The following CHM variants were observed in gnomAD, a reference collection of about 807,000 sequenced individuals.
CHM encodes CHM Rab escort protein.
A neutral mutation model predicts 49.0 loss-of-function variants in CHM; 10 were observed. The observed-to-expected ratio is 0.20, with a 90% CI of 0.13 to 0.35. CHM has a LOEUF of 0.35. Among genes scored for constraint, CHM ranks in the 10% least tolerant of loss-of-function variants. The probability of loss-of-function intolerance (pLI) is 1.00; values close to 1 mark genes in which losing one functional copy is unlikely to be tolerated. For synonymous variants in CHM, 184 were observed against 167.5 expected, an observed-to-expected ratio of 1.10 and a Z score of -0.76; for missense variants, 455 against 478.4, an observed-to-expected ratio of 0.95 and a Z score of 0.46.
At chrX:85,997,698 G>A (rs1029751149) in intron 2 of CHM, among the ~76,000 whole-genome samples, 3 of 111,367 alleles carry the variant, frequency 2.7e-5, no homozygotes, top group Non-Finnish European at 1.9e-5. Context: ...GCTCACACCT[G>A]TAATCCCAGC....
chrX:85,932,974 G>C (rs905757837), intron 8 of CHM, among the ~76,000 whole-genome samples: 1 of 111,664 alleles, frequency 9.0e-6, no homozygotes, highest in Admixed American at 9.6e-5. Context: ...AAAACATCAT[G>C]GAAGGTAGAA....
At chrX:86,029,675 C>G (rs1933965875) in intron 1 of CHM, among the ~76,000 whole-genome samples, 1 of 111,569 alleles carries the variant, frequency 9.0e-6, no homozygotes, top group South Asian at 3.8e-4. Context: ...TGATAATTCA[C>G]TATCTCCAAC....
At position 85,956,342 on chromosome X, in the gene CHM, G is replaced by A. The variant is rs200321098; in HGVS notation, c.977C>T (p.Thr326Ile). The change falls in exon 8 of 15, where the codon ACT becomes ATT. Residue 326 changes from threonine (T) to isoleucine (I), a missense_variant. Transcript: ENST00000357749. ...EEITFYEYLK[T>I]QKLTPNLQYI... is the part of the protein sequence containing the mutation. ...TTGGAGGTTGGGGGTTAATTTTTGAGTCTTTAAATATTCATAAAATGTGAT... is the reference window on the plus strand; with the variant it reads ...TTGGAGGTTGGGGGTTAATTTTTGAATCTTTAAATATTCATAAAATGTGAT... The A allele has an allele frequency of 5.8e-6, 7 of 1,209,075 alleles. No individual in the cohort carries two copies. Among genetic ancestry groups the A allele is most frequent in the Non-Finnish European group, 6.7e-6 (6 of 894,734 alleles).
At chrX:85,959,011 TG>T in intron 5 of CHM, 34 bp from the exon 6 acceptor site, 1 of 1,201,388 alleles carries the variant, frequency 8.3e-7, no homozygotes, top group African/African-American at 1.7e-5. Flanking sequence ...AGATAAAAGT[TG>T]AAATAGTAGA....
intron 8 of CHM, among the ~76,000 whole-genome samples, chrX:85,933,321 G>A (rs955360817): frequency 4.5e-5 from 5 of 112,157 alleles, no homozygotes; most frequent in African/African-American, 1.6e-4. Flanking sequence ...CTCATATAGT[G>A]CTGATCATGT....
chrX:85,949,109 T>G (rs180952301), intron 8 of CHM, among the ~76,000 whole-genome samples: 225 of 111,444 alleles, frequency 2.0e-3, no homozygotes, highest in African/African-American at 7.0e-3. Context: ...ATGTAGGCTC[T>G]GCAGATAATA....
chrX:85,989,548 C>A (rs190045833), intron 2 of CHM, among the ~76,000 whole-genome samples: 36 of 112,017 alleles, frequency 3.2e-4, no homozygotes, highest in African/African-American at 1.1e-3. Context: ...AAACTGTCAA[C>A]AGAGTAAACA....
chrX:85,884,114 T>A (rs1361722998), intron 12 of CHM, among the ~76,000 whole-genome samples: 1 of 111,072 alleles, frequency 9.0e-6, no homozygotes, highest in Non-Finnish European at 1.9e-5. Context: ...AGATGAACTC[T>A]GTGAAAAAAA....
At chrX:85,904,069 G>T (rs1023335377) in intron 9 of CHM, among the ~76,000 whole-genome samples, 1 of 111,681 alleles carries the variant, frequency 9.0e-6, no homozygotes, top group Non-Finnish European at 1.9e-5. Context: ...TCTAAATTTA[G>T]TCTTTGTATT....
At chrX:85,999,333 A>C (rs943087567) in intron 2 of CHM, among the ~76,000 whole-genome samples, 1 of 111,733 alleles carries the variant, frequency 8.9e-6, no homozygotes, top group African/African-American at 3.2e-5. Context: ...TAAATTCACC[A>C]AACACTTGGT....
At chrX:85,922,346 T>G (rs1569414250) in intron 8 of CHM, among the ~76,000 whole-genome samples, 2 of 112,280 alleles carry the variant, frequency 1.8e-5, no homozygotes, top group Non-Finnish European at 3.8e-5. Context: ...ATTTGGTATC[T>G]TTCTTTGAGC....
At chrX:85,993,325 G>GA (rs1002266965) in intron 2 of CHM, among the ~76,000 whole-genome samples, 11 of 107,805 alleles carry the variant, frequency 1.0e-4, no homozygotes, top group South Asian at 4.0e-4. Flanking sequence ...CCTATCCTGA[G>GA]AAAAAAAAAA....
intron 11 of CHM, among the ~76,000 whole-genome samples, chrX:85,894,919 G>T (rs1925718988): frequency 9.0e-6 from 1 of 111,300 alleles, no homozygotes; most frequent in Admixed American, 9.6e-5. Context: ...CAATTATATT[G>T]AAGCAAGCAG....
At chrX:85,879,466 C>T (rs1924625628) in intron 12 of CHM, among the ~76,000 whole-genome samples, 1 of 110,363 alleles carries the variant, frequency 9.1e-6, no homozygotes. Context: ...ACAGGGTTAT[C>T]TAAAAACCTT....
intron 2 of CHM, among the ~76,000 whole-genome samples, chrX:85,985,234 T>C (rs902825125): frequency 8.9e-6 from 1 of 112,291 alleles, no homozygotes; most frequent in Non-Finnish European, 1.9e-5. Flanking sequence ...CTTTGGAGAC[T>C]CCAAGCCATC....
chrX:85,949,832 C>A (rs768966620), intron 8 of CHM, among the ~76,000 whole-genome samples: 1 of 105,823 alleles, frequency 9.4e-6, no homozygotes, highest in Non-Finnish European at 1.9e-5. Context: ...CAGTTAATAC[C>A]AAAACTAGGT....
chrX:86,032,127 A>G (rs758446486), intron 1 of CHM, among the ~76,000 whole-genome samples: 1 of 112,335 alleles, frequency 8.9e-6, no homozygotes, highest in South Asian at 3.7e-4. Flanking sequence ...TCAAGTTCAC[A>G]CAATATATTT....
chrX:85,998,927 G>C (rs1450065793), intron 2 of CHM, among the ~76,000 whole-genome samples: 1 of 111,099 alleles, frequency 9.0e-6, no homozygotes, highest in Non-Finnish European at 1.9e-5. Context: ...GTAATATATA[G>C]ATATATACGT....
intron 8 of CHM, among the ~76,000 whole-genome samples, chrX:85,924,215 A>G (rs988782945): frequency 2.4e-4 from 27 of 111,327 alleles, no homozygotes; most frequent in African/African-American, 8.8e-4. Flanking sequence ...AGGGGAGGCC[A>G]GTTATGTCTG....
Sources: allele counts gnomAD v4.1 joint callset (sites outside exome capture counted in the v4.1 genomes callset), GRCh38; gene constraint gnomAD v4.1.1; transcripts MANE v1.5; gene names NCBI Gene and HGNC (gene_info 2026-07-23, HGNC 2026-07-21).